Variants in PRRT3 observed in about 807,000 individuals in gnomAD.
PRRT3 encodes proline rich transmembrane protein 3.
In PRRT3, 48 loss-of-function variants were observed where a neutral mutation model predicts 56.6. The observed-to-expected ratio is 0.85, with a 90% CI of 0.67 to 1.08. The LOEUF (loss-of-function observed/expected upper bound fraction) is 1.08, where lower values mean the gene tolerates loss of function less well. Among genes scored for constraint, PRRT3 ranks in the 50% least tolerant of loss-of-function variants. The pLI is 0.00. For synonymous variants in PRRT3, 641 were observed against 619.1 expected (o/e 1.04, Z -0.52); for missense variants, 1,370 against 1,353.1 (o/e 1.01, Z -0.20).
rs766327385 is a variant in PRRT3 at position 9,947,478 on chromosome 3, CGG to C, written c.1693_1694del (p.Pro565AlafsTer86). On this transcript the variant is annotated frameshift_variant, in exon 4 of 4. Coordinates refer to ENST00000412055, the MANE Select transcript of PRRT3 (RefSeq NM_207351.5). LOFTEE classifies it high-confidence loss of function. This position sits in a 1 kb window ranked among gnomAD's most constrained non-coding sequence, Gnocchi z 9.2. ...LTLLGLGAGLPPPLQNPLLLG... is the reference protein window; with the variant it reads ...LTLLGLGAGLXPPLQNPLLLG... ...GCAGGAGTGGGTTTTGCAGCGGTGG[CGG>C]CAGCCCCGCGCCCAGGCCGAGCAGA... is the stretch of plus-strand genomic sequence containing the variant. 3 of 1,612,288 alleles carry C rather than the reference CGG, an allele frequency of 1.9e-6. No homozygotes were observed. The highest frequency in any genetic ancestry group is 2.5e-6 in the Non-Finnish European group (3 of 1,179,630).
rs773463266 is a variant in PRRT3, at chr3:9,946,801, T to A, written c.2372A>T (p.Asn791Ile). ...GPQGGPGLSR[N>I]GVGPAPSLSE... The stretch of plus-strand genomic sequence containing the variant: ...CAGCGATGGCGCCGGTCCCACACCG[T>A]TGCGGGACAGTCCCGGGCCACCCTG... The change falls in exon 4 of 4, where the codon AAC becomes ATC. Residue 791 changes from asparagine to isoleucine, a missense_variant. Transcript: ENST00000412055. The surrounding 1 kb of genome is among the most constrained non-coding windows in gnomAD (Gnocchi z 4.1). 6.4e-7 allele frequency: 1 copy of A among 1,552,086 alleles called. No individual in the cohort carries two copies. Among genetic ancestry groups the A allele is most frequent in the African/African-American group, 1.4e-5 (1 of 73,980 alleles).
In PRRT3 at chr3:9,946,485, G is replaced by A. The variant is rs772644174; in HGVS notation, c.2688C>T (p.Ala896=). ...QHVVEAPDGA[A]AAASGSSLDS... is the part of the protein sequence containing the mutation. ...CGAGGGAGCTGCCAGAAGCCGCAGC[G>A]GCTGCCCCGTCGGGTGCTTCCACTA... is the stretch of plus-strand genomic sequence containing the variant. Residue 896 remains alanine, a synonymous_variant, in exon 4 of 4, where the codon GCC becomes GCT. Coordinates refer to ENST00000412055, the MANE Select transcript of PRRT3 (RefSeq NM_207351.5). This position sits in a 1 kb window ranked among gnomAD's most constrained non-coding sequence, Gnocchi z 4.1. 22 of 1,551,642 alleles carry A rather than the reference G, an allele frequency of 1.4e-5. No individual in the cohort carries two copies. The South Asian group carries it at 2.0e-4, about 14-fold the overall frequency.
Position 9,946,854 on chromosome 3 carries a change from GC to G in PRRT3, c.2318del (p.Gly773AlafsTer27). The G allele has an allele frequency of 1.9e-6, 3 of 1,539,284 alleles. No homozygotes were observed. Among genetic ancestry groups the G allele is most frequent in the Non-Finnish European group, 2.6e-6 (3 of 1,148,318 alleles). Reference sequence around the variant, plus strand: ...GTCCGCGACCCAACGACGCAGCCGAGCCCCAGGCGCCTGAACTGGGCGTGGC... The same window carrying G: ...GTCCGCGACCCAACGACGCAGCCGAGCCCAGGCGCCTGAACTGGGCGTGGC... ...QLATPSSGAWGSAASLGRGPQ... is the reference protein window; with the variant it reads ...QLATPSSGAWXSAASLGRGPQ... On this transcript the variant is annotated frameshift_variant, in exon 4 of 4. Transcript: ENST00000412055. LOFTEE classifies it high-confidence loss of function. The surrounding 1 kb of genome is among the most constrained non-coding windows in gnomAD (Gnocchi z 4.1).
At position 9,947,063 on chromosome 3, in the gene PRRT3, T is replaced by C; in HGVS notation, c.2110A>G (p.Arg704Gly). The C allele has an allele frequency of 6.5e-7, 1 of 1,534,152 alleles. No individual in the cohort carries two copies. Among genetic ancestry groups the C allele is most frequent in the Non-Finnish European group, 8.7e-7 (1 of 1,144,910 alleles). ...CAGCAAGCGTGCTCCGTGGGCGGCC[T>C]GGGTCTCGCGGCAGCCACCGCGGCC... ...ALAAVAAARP[R>G]PPTEHACWAK... is the part of the protein sequence containing the mutation. The change falls in exon 4 of 4, where the codon AGG becomes GGG. Residue 704 changes from arginine to glycine, a missense_variant. By Grantham distance (125) the Arg-to-Gly change is moderately radical. Transcript: ENST00000412055. This position sits in a 1 kb window ranked among gnomAD's most constrained non-coding sequence, Gnocchi z 9.2.
In PRRT3 at chr3:9,949,798, C is replaced by G; in HGVS notation, c.318G>C (p.Gln106His). Residue 106 changes from glutamine (Q) to histidine (H), a missense_variant, in exon 2 of 4, where the codon CAG becomes CAC. Transcript: ENST00000412055. The surrounding 1 kb of genome is among the most constrained non-coding windows in gnomAD (Gnocchi z 4.5). ...LYGPKAAQGA[Q>H]RERLPVTDDL... The stretch of plus-strand genomic sequence containing the variant: ...CATCAGTTACTGGGAGTCGTTCTCT[C>G]TGAGCTCCTTGTGCTGCTTTGGGCC... 1 of 1,614,176 alleles carries G rather than the reference C, an allele frequency of 6.2e-7. No homozygotes were observed. The highest frequency in any genetic ancestry group is 8.5e-7 in the Non-Finnish European group (1 of 1,180,024).
Position 9,946,803 on chromosome 3 carries a change from G to A in PRRT3, c.2370C>T (p.Arg790=). 1 of 1,551,054 alleles carries A rather than the reference G, an allele frequency of 6.4e-7. No individual in the cohort carries two copies. The highest frequency in any genetic ancestry group is 8.6e-7 in the Non-Finnish European group (1 of 1,156,070). The change falls in exon 4 of 4, where the codon CGC becomes CGT. Residue 790 remains arginine, a synonymous_variant. Coordinates refer to ENST00000412055, the MANE Select transcript of PRRT3 (RefSeq NM_207351.5). The surrounding 1 kb of genome is among the most constrained non-coding windows in gnomAD (Gnocchi z 4.1). The part of the protein sequence containing the change: ...RGPQGGPGLS[R]NGVGPAPSLS... The stretch of plus-strand genomic sequence containing the variant: ...GCGATGGCGCCGGTCCCACACCGTT[G>A]CGGGACAGTCCCGGGCCACCCTGGG...
rs1164833334 is a variant in PRRT3, at chr3:9,947,213, G to A, written c.1960C>T (p.Gln654Ter). The A allele has an allele frequency of 6.6e-7, 1 of 1,514,826 alleles. No individual in the cohort carries two copies. Among genetic ancestry groups the A allele is most frequent in the Non-Finnish European group, 8.8e-7 (1 of 1,138,504 alleles). 93.8% of individuals were successfully genotyped at this position (1,514,826 alleles called of 1,614,324 possible). ...TACAGCCAGAGCGCAGCCGCCAGCTGCAAGCCGCTAGCCAGCAGCCCCAGC... is the reference window on the plus strand; with the variant it reads ...TACAGCCAGAGCGCAGCCGCCAGCTACAAGCCGCTAGCCAGCAGCCCCAGC... ...GALGLLASGL[Q>*]LAAALWLYPG... is the part of the protein sequence containing the mutation. Residue 654 changes from glutamine (Q) to a stop codon, truncating the protein, a stop_gained, in exon 4 of 4, where the codon CAG becomes TAG. Transcript: ENST00000412055. LOFTEE classifies it high-confidence loss of function. The surrounding 1 kb of genome is among the most constrained non-coding windows in gnomAD (Gnocchi z 9.2).
At position 9,945,849 on chromosome 3, in the gene PRRT3, T is replaced by A. The variant is rs1279552761; in HGVS notation, c.*378A>T. 1 of 141,714 alleles carries A rather than the reference T, an allele frequency of 7.1e-6. No homozygotes were observed. Among genetic ancestry groups the A allele is most frequent in the Non-Finnish European group, 1.5e-5 (1 of 66,084 alleles). The allele number at this position is 141,714 out of a possible 1,614,324, so 8.8% of individuals were successfully genotyped here. A position where few individuals can be genotyped will look rare whatever the true frequency, so the allele number is the denominator to read the frequency against. ...TTTTTTTTTTTTTTTTTTTTTTTTT[T>A]TTGAGACGGAGTCTCACTCTTGTCA... On this transcript the variant is annotated 3_prime_UTR_variant, in exon 4 of 4. Transcript: ENST00000412055.
In PRRT3 at chr3:9,945,879, G is replaced by C. The variant is rs1408444631; in HGVS notation, c.*348C>G. 3.0e-5 allele frequency: 4 copies of C among 134,522 alleles called. No individual in the cohort carries two copies. The highest frequency in any genetic ancestry group is 1.1e-4 in the African/African-American group (4 of 35,740). 8.3% of individuals were successfully genotyped at this position (134,522 alleles called of 1,614,324 possible). A position where few individuals can be genotyped will look rare whatever the true frequency, so the allele number is the denominator to read the frequency against. On this transcript the variant is annotated 3_prime_UTR_variant, in exon 4 of 4. Transcript: ENST00000412055. ...GACGGAGTCTCACTCTTGTCACCCAGGCTGGAGTGCAATGGCGTGGTCTCG... is the reference window on the plus strand; with the variant it reads ...GACGGAGTCTCACTCTTGTCACCCACGCTGGAGTGCAATGGCGTGGTCTCG...
chr3:9,949,472 G>C lies in PRRT3; in HGVS notation c.644C>G (p.Ser215Ter). ...CAGCACTGGCCTCTTGACAGTACCTGAGTGGGAAACAAGGGTGTGGGGTGG... is the reference window on the plus strand; with the variant it reads ...CAGCACTGGCCTCTTGACAGTACCTCAGTGGGAAACAAGGGTGTGGGGTGG... ...QGPPHTLVSH[S>*]GTVKRPVLEG... Residue 215 changes from serine (S) to a stop codon, truncating the protein, a stop_gained, in exon 2 of 4, where the codon TCA becomes TGA. Coordinates refer to ENST00000412055, the MANE Select transcript of PRRT3 (RefSeq NM_207351.5). LOFTEE classifies it high-confidence loss of function. The surrounding 1 kb of genome is among the most constrained non-coding windows in gnomAD (Gnocchi z 4.5). The C allele has an allele frequency of 1.2e-6, 2 of 1,614,102 alleles. No homozygotes were observed. Among genetic ancestry groups the C allele is most frequent in the Non-Finnish European group, 1.7e-6 (2 of 1,180,014 alleles).
chr3:9,951,070 G>T (rs949822944), intron 1 of PRRT3, among the ~76,000 whole-genome samples: 1 of 152,094 alleles, frequency 6.6e-6, no homozygotes, highest in Non-Finnish European at 1.5e-5. Flanking sequence ...TCCTCTTCCC[G>T]CCTTCCTTCC....
chr3:9,951,755 G>T (rs984572118), intron 1 of PRRT3, among the ~76,000 whole-genome samples: 1 of 152,180 alleles, frequency 6.6e-6, no homozygotes, highest in Non-Finnish European at 1.5e-5. Flanking sequence ...CCAATACAAG[G>T]TGTGGGAACA....
rs1428019098 is a variant in PRRT3, at chr3:9,947,153, C to A, written c.2020G>T (p.Ala674Ser). ...AGCCAGAAGTGGACACCCCACCAGG[C>A]CCACGAGAAGCGGCCCACGCGGCCT... ...GPGRVGRFSW[A>S]WWGVHFWLRL... is the part of the protein sequence containing the mutation. Residue 674 changes from alanine to serine, a missense_variant, in exon 4 of 4, where the codon GCC (alanine) becomes TCC (serine). Physicochemically the swap from Ala to Ser is moderately conservative, Grantham distance 99. Coordinates refer to ENST00000412055, the MANE Select transcript of PRRT3 (RefSeq NM_207351.5). This position sits in a 1 kb window ranked among gnomAD's most constrained non-coding sequence, Gnocchi z 9.2. 6.5e-7 allele frequency: 1 copy of A among 1,536,898 alleles called. No individual in the cohort carries two copies. Among genetic ancestry groups the A allele is most frequent in the Non-Finnish European group, 8.7e-7 (1 of 1,147,136 alleles).
In PRRT3 at chr3:9,949,825, G is replaced by A. The variant is rs200330518; in HGVS notation, c.291C>T (p.Tyr97=). Reference sequence around the variant, plus strand: ...GAGCTCCTTGTGCTGCTTTGGGCCCGTACAGGGCTGGGCCAAGGGGAGAGG... The same window carrying A: ...GAGCTCCTTGTGCTGCTTTGGGCCCATACAGGGCTGGGCCAAGGGGAGAGG... ...PVASPLGPAL[Y]GPKAAQGAQR... Residue 97 remains tyrosine (Y), a synonymous_variant, in exon 2 of 4, where the codon TAC becomes TAT. Coordinates refer to ENST00000412055, the MANE Select transcript of PRRT3 (RefSeq NM_207351.5). The surrounding 1 kb of genome is among the most constrained non-coding windows in gnomAD (Gnocchi z 4.5). The A allele has an allele frequency of 2.1e-5, 34 of 1,613,996 alleles. No homozygotes were observed. Among genetic ancestry groups the A allele is most frequent in the African/African-American group, 5.3e-5 (4 of 74,914 alleles).
At position 9,948,476 on chromosome 3, in the gene PRRT3, A is replaced by G. The variant is rs540479102; in HGVS notation, c.1171+282T>C. ...GGAATAGCTGGGACTACAGGTATGC[A>G]CCACCACGCCCAACTAATTTTTATA... On this transcript the variant is annotated intron_variant, in intron 3 of 3. Coordinates refer to ENST00000412055, the MANE Select transcript of PRRT3 (RefSeq NM_207351.5). 2.2e-4 allele frequency: 113 copies of G among 503,708 alleles called. 1 individual carries two copies. In the South Asian group the frequency reaches 3.9e-3, roughly 17 times the overall value. 31.2% of individuals were successfully genotyped at this position (503,708 alleles called of 1,614,324 possible).
Position 9,952,059 on chromosome 3 carries a change from C to G in PRRT3, c.-58+263G>C, listed in dbSNP as rs376289484. Among the ~76,000 whole-genome samples, 104 of 152,346 alleles carry G rather than the reference C, an allele frequency of 6.8e-4. 1 individual carries two copies. The East Asian group carries it at 0.013, about 19-fold the overall frequency. ...CTGTGGGGGGTGGCGGATCTCTCTG[C>G]CGCAGGGACTGGGGAGAGGCCGGCC... On this transcript the variant is annotated intron_variant, in intron 1 of 3. Transcript: ENST00000412055.
Position 9,946,066 on chromosome 3 carries a change from G to A in PRRT3, c.*161C>T, listed in dbSNP as rs1377172206. ...ACCAGGAGGCTGATCTCGAACTCCT[G>A]ACCTCGTGTTCCACCCACCTCGGCC... On this transcript the variant is annotated 3_prime_UTR_variant, in exon 4 of 4. Transcript: ENST00000412055. The surrounding 1 kb of genome is among the most constrained non-coding windows in gnomAD (Gnocchi z 4.1). 2.8e-6 allele frequency: 3 copies of A among 1,081,586 alleles called. No individual in the cohort carries two copies. The highest frequency in any genetic ancestry group is 1.6e-5 in the African/African-American group (1 of 61,358). 67.0% of individuals were successfully genotyped at this position (1,081,586 alleles called of 1,614,324 possible). A position where few individuals can be genotyped will look rare whatever the true frequency, so the allele number is the denominator to read the frequency against.
In PRRT3 at chr3:9,947,523, C is replaced by A; in HGVS notation, c.1650G>T (p.Thr550=). Residue 550 remains threonine, a synonymous_variant, in exon 4 of 4, where the codon ACG becomes ACT. Transcript: ENST00000412055. The surrounding 1 kb of genome is among the most constrained non-coding windows in gnomAD (Gnocchi z 9.2). ...LYNLPFPLLL[T]ALAALTLLGL... ...CGAGCAGAGTCAGGGCTGCCAGCGC[C>A]GTAAGCAGCAAGGGGAAGGGCAGGT... 6.2e-7 allele frequency: 1 copy of A among 1,611,698 alleles called. No individual in the cohort carries two copies. Among genetic ancestry groups the A allele is most frequent in the Non-Finnish European group, 8.5e-7 (1 of 1,179,502 alleles).
At chr3:9,952,286 T>A (rs1305115472) in intron 1 of PRRT3, 36 bp downstream of exon 1, 2 of 152,220 alleles carry the variant, frequency 1.3e-5, no homozygotes, top group African/African-American at 4.8e-5. Flanking sequence ...CCCGTCGGGG[T>A]CCCGCCATCG....
Sources: gnomAD v4.1 joint callset for allele counts (sites outside exome capture counted in the v4.1 genomes callset) on GRCh38, gnomAD v4.1.1 for gene constraint, Gnocchi (gnomAD v3.1) non-coding constraint, MANE v1.5 for transcripts, NCBI Gene and HGNC (gene_info 2026-07-23, HGNC 2026-07-21) for gene names.